MEIS2: variants seen among roughly 807,000 people sequenced by gnomAD.
The protein encoded by MEIS2 is Meis homeobox 2.
In MEIS2, 9 loss-of-function variants were observed where a neutral mutation model predicts 58.6. The observed-to-expected ratio is 0.15, with a 90% CI of 0.09 to 0.27. The LOEUF (loss-of-function observed/expected upper bound fraction) is 0.27, where lower values mean the gene tolerates loss of function less well. Ranked by LOEUF, MEIS2 falls within the 10% of genes least tolerant of loss-of-function variation. MEIS2 has a pLI of 1.00. For synonymous variants in MEIS2, 221 were observed against 228.4 expected, an observed-to-expected ratio of 0.97 and a Z score of 0.29; for missense variants, 427 against 635.0, an observed-to-expected ratio of 0.67 and a Z score of 3.52.
intron 9 of MEIS2, among the ~76,000 whole-genome samples, chr15:36,936,188 AT>A (rs927398742): frequency 6.9e-6 from 1 of 145,584 alleles, no homozygotes; most frequent in African/African-American, 2.6e-5. Context: ...TGGGAGGTGC[AT>A]TTTCTTTCTT....
intron 9 of MEIS2, among the ~76,000 whole-genome samples, chr15:36,920,729 ACT>A (rs1390372160): frequency 2.0e-5 from 3 of 152,218 alleles, no homozygotes; most frequent in Non-Finnish European, 2.9e-5. Flanking sequence ...TGAGAACTAT[ACT>A]CTCTGAATCA....
intron 1 of MEIS2, 191 bp downstream of exon 1, chr15:37,099,260 GCACA>G (rs1217901635): frequency 1.4e-6 from 2 of 1,448,098 alleles, no homozygotes; most frequent in Non-Finnish European, 1.8e-6. Flanking sequence ...ACACACGCAC[GCACA>G]CACACTCGCA....
Position 37,070,665 on chromosome 15 carries a change from T to C in MEIS2, c.754+13106A>G, listed in dbSNP as rs529790293. 1.6e-3 allele frequency among the ~76,000 whole-genome samples: 238 copies of C among 152,262 alleles called. 2 individuals are homozygous for C. The highest frequency in any genetic ancestry group is 2.7e-3 in the Non-Finnish European group (186 of 68,006). On this transcript the variant is annotated intron_variant, in intron 7 of 11. Transcript: ENST00000561208. ...ATTTAAATATTCTTGGAACCATAGT[T>C]TTCTAAATATTGAAGAAGATATATT...
intron 8 of MEIS2, among the ~76,000 whole-genome samples, chr15:37,011,701 C>A (rs1048439199): frequency 6.0e-5 from 8 of 133,940 alleles, no homozygotes; most frequent in Middle Eastern, 5.6e-3. Flanking sequence ...CTCACTGCAA[C>A]CTCTGCCTCC....
intron 8 of MEIS2, among the ~76,000 whole-genome samples, chr15:36,952,663 G>A (rs1469336981): frequency 1.3e-5 from 2 of 151,210 alleles, no homozygotes; most frequent in Non-Finnish European, 3.0e-5. Flanking sequence ...GTGTGTTTAA[G>A]CGAGAGAGAG....
intron 8 of MEIS2, among the ~76,000 whole-genome samples, chr15:37,008,676 A>G (rs1208668013): frequency 2.0e-5 from 3 of 152,354 alleles, no homozygotes; most frequent in Admixed American, 6.5e-5. Flanking sequence ...AAAGTTTGCC[A>G]TTTGCTAGAA....
At chr15:37,091,244 A>C (rs1421977204) in intron 6 of MEIS2, among the ~76,000 whole-genome samples, 2 of 152,146 alleles carry the variant, frequency 1.3e-5, no homozygotes, top group African/African-American at 2.4e-5. Flanking sequence ...GAATACAATC[A>C]ATACACCTAT....
At chr15:37,064,796 C>G (rs895553794) in intron 7 of MEIS2, among the ~76,000 whole-genome samples, 3 of 152,136 alleles carry the variant, frequency 2.0e-5, no homozygotes, top group African/African-American at 7.2e-5. Context: ...GGATTAACTT[C>G]TCTTTAAACC....
chr15:36,921,972 C>T (rs918624955), intron 9 of MEIS2, among the ~76,000 whole-genome samples: 1 of 152,246 alleles, frequency 6.6e-6, no homozygotes, highest in Non-Finnish European at 1.5e-5. Flanking sequence ...CCCAGAGTAT[C>T]CAAGGACTTC....
rs972421899 is a variant in MEIS2 at position 36,891,571 on chromosome 15, A to T, written c.*602T>A. 1 of 153,044 alleles carries T rather than the reference A, an allele frequency of 6.5e-6. No individual in the cohort carries two copies. Among genetic ancestry groups the T allele is most frequent in the Non-Finnish European group, 1.5e-5 (1 of 68,326 alleles). The allele number at this position is 153,044 out of a possible 1,614,324, so 9.5% of individuals were successfully genotyped here. On this transcript the variant is annotated 3_prime_UTR_variant, in exon 12 of 12. Coordinates refer to ENST00000561208, the MANE Select transcript of MEIS2 (RefSeq NM_170675.5). ...AATAATAAGAATTGGCTTATGAAGC[A>T]CGAACTATAAAGATCTGTTTGAAAC...
intron 8 of MEIS2, among the ~76,000 whole-genome samples, chr15:36,989,801 G>T (rs941883802): frequency 6.6e-6 from 1 of 152,212 alleles, no homozygotes; most frequent in African/African-American, 2.4e-5. Flanking sequence ...CCAGATGTTT[G>T]TTGACCATTA....
intron 8 of MEIS2, among the ~76,000 whole-genome samples, chr15:36,998,752 G>A (rs1019856949): frequency 1.3e-4 from 20 of 152,120 alleles, no homozygotes; most frequent in African/African-American, 1.9e-4. Flanking sequence ...TGCTTGAAGC[G>A]TACTGCTCTG....
At chr15:37,048,982 A>G (rs188203453) in intron 7 of MEIS2, among the ~76,000 whole-genome samples, 58 of 152,336 alleles carry the variant, frequency 3.8e-4, no homozygotes, top group African/African-American at 1.3e-3. Context: ...TTCCTAATCA[A>G]ACTTTGAATT....
intron 6 of MEIS2, among the ~76,000 whole-genome samples, chr15:37,084,353 A>T (rs993658378): frequency 1.3e-5 from 2 of 152,216 alleles, no homozygotes; most frequent in Non-Finnish European, 2.9e-5. Context: ...TAAAAAAATT[A>T]CAGGCTCCAC....
At chr15:37,026,732 C>G (rs1019988529) in intron 8 of MEIS2, among the ~76,000 whole-genome samples, 1 of 152,064 alleles carries the variant, frequency 6.6e-6, no homozygotes, top group Admixed American at 6.6e-5. Flanking sequence ...TTCTTGTCAT[C>G]GCAGAATCCC....
intron 9 of MEIS2, among the ~76,000 whole-genome samples, chr15:36,922,413 TG>T (rs869260483): frequency 2.8e-5 from 4 of 143,272 alleles, no homozygotes; most frequent in Admixed American, 7.0e-5. Context: ...AAGGTTTTTT[TG>T]TGTGTGTGTT....
chr15:36,933,996 T>TACATAA (rs2058073578), intron 9 of MEIS2, among the ~76,000 whole-genome samples: 1 of 152,238 alleles, frequency 6.6e-6, no homozygotes, highest in Admixed American at 6.5e-5. Flanking sequence ...AATAAAATAT[T>TACATAA]TGTCAGCTAT....
chr15:36,985,332 T>C (rs1363671797), intron 8 of MEIS2, among the ~76,000 whole-genome samples: 1 of 152,208 alleles, frequency 6.6e-6, no homozygotes, highest in Non-Finnish European at 1.5e-5. Flanking sequence ...TATTTTAATC[T>C]TGCTCTTGTG....
intron 9 of MEIS2, chr15:36,897,712 C>T (rs2056253070): frequency 6.6e-6 from 1 of 152,168 alleles, no homozygotes; most frequent in African/African-American, 2.4e-5. Context: ...ATTCACTGAC[C>T]ACGCATTTCG....
Sources: gnomAD v4.1 joint callset for allele counts (sites outside exome capture counted in the v4.1 genomes callset) on GRCh38, gnomAD v4.1.1 for gene constraint, MANE v1.5 for transcripts, NCBI Gene and HGNC (gene_info 2026-07-23, HGNC 2026-07-21) for gene names.